Variants in PREX2 observed in about 807,000 individuals in gnomAD.
The protein encoded by PREX2 is phosphatidylinositol-3,4,5-trisphosphate dependent Rac exchange factor 2.
PREX2 carries 107 observed loss-of-function variants against 203.2 expected under a neutral mutation model. The ratio of observed to expected loss-of-function variants is 0.53; its 90% confidence interval spans 0.45 to 0.62. PREX2 has a LOEUF of 0.62. Ranked by LOEUF, PREX2 falls within the 20% of genes least tolerant of loss-of-function variation. The pLI, the probability that PREX2 is intolerant of heterozygous loss-of-function variation, is 0.00. For synonymous variants in PREX2, 672 were observed against 663.6 expected (o/e 1.01, Z -0.19); for missense variants, 1,777 against 1,955.9 (o/e 0.91, Z 1.72).
At chr8:68,124,257 G>C (rs1177013063) in intron 30 of PREX2, among the ~76,000 whole-genome samples, 1 of 152,088 alleles carries the variant, frequency 6.6e-6, no homozygotes, top group East Asian at 1.9e-4. Context: ...ATCAGTGGTA[G>C]ACTGGATAAA....
chr8:68,163,411 T>A (rs1181992362), intron 35 of PREX2, among the ~76,000 whole-genome samples: 1 of 152,104 alleles, frequency 6.6e-6, no homozygotes, highest in African/African-American at 2.4e-5. Context: ...AAGAATGAAT[T>A]TGGGTATGTT....
chr8:68,027,104 A>G (rs1807741629), intron 4 of PREX2, 118 bp from the exon 5 acceptor site: 4 of 723,544 alleles, frequency 5.5e-6, no homozygotes, highest in South Asian at 3.1e-5. Flanking sequence ...CTCTTCTTAG[A>G]GAAAGAAAGT....
At position 68,217,623 on chromosome 8, in the gene PREX2, C is replaced by T; in HGVS notation, c.4612C>T (p.Leu1538=). The T allele has an allele frequency of 1.9e-6, 3 of 1,614,024 alleles. No homozygotes were observed. The highest frequency in any genetic ancestry group is 1.7e-6 in the Non-Finnish European group (2 of 1,179,938). ...MCSSGVHRCT[L]SVTLEQAIIL... is the part of the protein sequence containing the mutation. ...CCTTGCCTTGGCCCACAGGTGCACC[C>T]TGAGCGTGACGCTGGAGCAAGCCAT... The change falls in exon 38 of 40, where the codon CTG becomes TTG. Residue 1538 remains leucine, a synonymous_variant. Transcript: ENST00000288368.
intron 35 of PREX2, among the ~76,000 whole-genome samples, chr8:68,171,581 A>T (rs1811878291): frequency 6.6e-6 from 1 of 152,182 alleles, no homozygotes; most frequent in African/African-American, 2.4e-5. Context: ...GCTGAGGAAC[A>T]GCATGAGAAA....
At chr8:68,198,638 G>GA (rs1209222574) in intron 37 of PREX2, among the ~76,000 whole-genome samples, 1 of 152,156 alleles carries the variant, frequency 6.6e-6, no homozygotes, top group Non-Finnish European at 1.5e-5. Context: ...GAGTCTGACT[G>GA]AGTCCAAAAA....
chr8:68,152,039 C>G (rs1372588790), intron 34 of PREX2, among the ~76,000 whole-genome samples: 2 of 151,654 alleles, frequency 1.3e-5, no homozygotes, highest in Non-Finnish European at 2.9e-5. Context: ...CCTGTAATCC[C>G]AGCACTTTGG....
At chr8:68,103,068 T>A (rs1467453667) in intron 23 of PREX2, 1 of 443,774 alleles carries the variant, frequency 2.3e-6, no homozygotes, top group Non-Finnish European at 4.5e-6. Flanking sequence ...GAGTACTTCC[T>A]AGATAGAAAT....
chr8:68,206,368 G>A (rs1234091927), intron 37 of PREX2, among the ~76,000 whole-genome samples: 1 of 152,108 alleles, frequency 6.6e-6, no homozygotes, highest in Non-Finnish European at 1.5e-5. Context: ...CCATCTTCTC[G>A]TTGCAGAGCT....
chr8:67,977,337 T>A (rs999911810), intron 1 of PREX2, among the ~76,000 whole-genome samples: 1 of 152,222 alleles, frequency 6.6e-6, no homozygotes, highest in African/African-American at 2.4e-5. Flanking sequence ...TACAAACCAC[T>A]CAGTTGATGG....
At chr8:68,218,234 T>G (rs979901138) in intron 38 of PREX2, among the ~76,000 whole-genome samples, 1 of 152,226 alleles carries the variant, frequency 6.6e-6, no homozygotes, top group Non-Finnish European at 1.5e-5. Context: ...GTCTTTGGAC[T>G]GTCTTCGGGT....
chr8:68,104,082 C>G (rs1810341957), intron 23 of PREX2, among the ~76,000 whole-genome samples: 1 of 152,192 alleles, frequency 6.6e-6, no homozygotes, highest in Non-Finnish European at 1.5e-5. Context: ...CCCATCCTCC[C>G]CATTGCTCAG....
intron 38 of PREX2, among the ~76,000 whole-genome samples, chr8:68,222,364 G>A (rs1413436094): frequency 6.6e-6 from 1 of 150,426 alleles, no homozygotes; most frequent in East Asian, 2.0e-4. Flanking sequence ...AACAATGATG[G>A]CAGCATATTA....
At chr8:67,993,102 T>A (rs1806654530) in intron 1 of PREX2, among the ~76,000 whole-genome samples, 1 of 152,196 alleles carries the variant, frequency 6.6e-6, no homozygotes, top group South Asian at 2.1e-4. Flanking sequence ...ATGGTTATTT[T>A]AAACGGCTGT....
chr8:67,986,579 T>G (rs1029277402), intron 1 of PREX2, among the ~76,000 whole-genome samples: 2 of 152,346 alleles, frequency 1.3e-5, no homozygotes, highest in African/African-American at 4.8e-5. Flanking sequence ...TGGAGATTTA[T>G]CTCATTGGGT....
intron 34 of PREX2, among the ~76,000 whole-genome samples, chr8:68,155,360 A>G (rs748347268): frequency 4.6e-5 from 7 of 152,116 alleles, no homozygotes; most frequent in Non-Finnish European, 8.8e-5. Context: ...ATCTTCCACA[A>G]TTGCTTTTCT....
rs1168859185 is a variant in PREX2 at position 68,060,689 on chromosome 8, T to A, written c.1249T>A (p.Ser417Thr). Reference protein sequence around the residue: ...PKCFLGSEFVSWLLEIGEIHR... With the variant: ...PKCFLGSEFVTWLLEIGEIHR... ...GACTTTCTCTTGCAGCGAATTTGTGTCATGGCTGTTGGAAATTGGAGAGAT... is the reference window on the plus strand; with the variant it reads ...GACTTTCTCTTGCAGCGAATTTGTGACATGGCTGTTGGAAATTGGAGAGAT... Residue 417 changes from serine (S) to threonine (T), a missense_variant, in exon 11 of 40, where the codon TCA becomes ACA. Ser to Thr is a moderately conservative substitution (Grantham distance 58). Coordinates refer to ENST00000288368, the MANE Select transcript of PREX2 (RefSeq NM_024870.4). The A allele has an allele frequency of 6.2e-7, 1 of 1,610,690 alleles. No homozygotes were observed. Among genetic ancestry groups the A allele is most frequent in the Admixed American group, 1.7e-5 (1 of 59,280 alleles).
chr8:68,120,807 G>C, intron 29 of PREX2, 114 bp from the exon 30 acceptor site: 1 of 804,450 alleles, frequency 1.2e-6, no homozygotes, highest in Non-Finnish European at 1.9e-6. Context: ...CAAAAGAAAT[G>C]ACCACCATGT....
intron 1 of PREX2, among the ~76,000 whole-genome samples, chr8:67,975,876 T>A (rs1397220714): frequency 7.3e-5 from 11 of 150,100 alleles, no homozygotes; most frequent in African/African-American, 2.2e-4. Context: ...GCTAATTTTT[T>A]TTTTTTTTTT....
intron 15 of PREX2, among the ~76,000 whole-genome samples, chr8:68,078,710 A>G (rs1350128888): frequency 1.3e-5 from 2 of 152,192 alleles, no homozygotes; most frequent in Non-Finnish European, 2.9e-5. Flanking sequence ...CAAACTATGA[A>G]CGGAAGAAAT....
Sources: gnomAD v4.1 joint callset for allele counts (sites outside exome capture counted in the v4.1 genomes callset) on GRCh38, gnomAD v4.1.1 for gene constraint, MANE v1.5 for transcripts, NCBI Gene and HGNC (gene_info 2026-07-23, HGNC 2026-07-21) for gene names.